THEM6: variants seen among roughly 807,000 people sequenced by gnomAD.
THEM6 encodes the protein thioesterase superfamily member 6.
THEM6 carries 10 observed loss-of-function variants against 13.7 expected under a neutral mutation model. That is an observed-to-expected ratio of 0.73 (90% CI 0.45 to 1.24). The LOEUF (loss-of-function observed/expected upper bound fraction) is 1.24. THEM6 is among the 50% of genes most tolerant of loss of function. The pLI is 0.00. For synonymous variants in THEM6, 161 were observed against 156.0 expected (o/e 1.03, Z -0.24); for missense variants, 317 against 312.6 (o/e 1.01, Z -0.11).
intron 1 of THEM6, among the ~76,000 whole-genome samples, 199 bp downstream of exon 1, chr8:142,728,058 G>A (rs1467403020): frequency 1.3e-5 from 2 of 152,072 alleles, no homozygotes; most frequent in African/African-American, 2.4e-5. Context: ...GTTCGTGGGG[G>A]TTCCTAGGGT....
At chr8:142,728,940 T>C (rs891025865) in intron 1 of THEM6, among the ~76,000 whole-genome samples, 74 of 141,252 alleles carry the variant, frequency 5.2e-4, no homozygotes, top group African/African-American at 2.0e-3. Context: ...CTATTTTCTT[T>C]TTTTTTTTTT....
Position 142,727,722 on chromosome 8 carries a change from T to G in THEM6, c.376T>G (p.Trp126Gly). 6.9e-7 allele frequency: 1 copy of G among 1,438,922 alleles called. No homozygotes were observed. The highest frequency in any genetic ancestry group is 9.0e-7 in the Non-Finnish European group (1 of 1,106,214). 89.1% of individuals were successfully genotyped at this position (1,438,922 alleles called of 1,614,324 possible). ...PFEVRTRLLG[W>G]DDRAFYLEAR... ...CGAGGTGCGCACCCGCCTGCTGGGCTGGGACGACCGCGCGTTCTACCTGGA... is the reference window on the plus strand; with the variant it reads ...CGAGGTGCGCACCCGCCTGCTGGGCGGGGACGACCGCGCGTTCTACCTGGA... The change falls in exon 1 of 2, where the codon TGG (tryptophan) becomes GGG (glycine). Residue 126 changes from tryptophan to glycine, a missense_variant. Transcript: ENST00000336138.
At chr8:142,729,427 C>T (rs1815597098) in intron 1 of THEM6, among the ~76,000 whole-genome samples, 2 of 151,996 alleles carry the variant, frequency 1.3e-5, no homozygotes, top group South Asian at 2.1e-4. Flanking sequence ...ATTTAAAGTG[C>T]GAACGGAATA....
rs781818868 is a variant in THEM6 at position 142,727,375 on chromosome 8, C to T, written c.29C>T (p.Ala10Val). 7.9e-6 allele frequency: 12 copies of T among 1,522,890 alleles called. No homozygotes were observed. The South Asian group carries it at 1.2e-4, about 15-fold the overall frequency. The allele number at this position is 1,522,890 out of a possible 1,614,324, so 94.3% of individuals were successfully genotyped here. A position where few individuals can be genotyped will look rare whatever the true frequency, so the allele number is the denominator to read the frequency against. Residue 10 changes from alanine (A) to valine (V), a missense_variant, in exon 1 of 2, where the codon GCC (alanine) becomes GTC (valine). Physicochemically the swap from Ala to Val is moderately conservative, Grantham distance 64 (BLOSUM62 0). Coordinates refer to ENST00000336138, the MANE Select transcript of THEM6 (RefSeq NM_016647.3). ...CTGGGGCTGCTGGTGGCGTTGCTGG[C>T]CCTGGGGCTCGCTGTCTTTGCGCTG... Reference protein sequence around the residue: MLGLLVALLALGLAVFALLD... With the variant: MLGLLVALLVLGLAVFALLD...
At chr8:142,734,598 A>T (rs1378904808) in intron 1 of THEM6, 1 of 152,658 alleles carries the variant, frequency 6.6e-6, no homozygotes, top group African/African-American at 2.4e-5. Context: ...TGTTGGTCAC[A>T]TGGTTGAAAC....
intron 1 of THEM6, among the ~76,000 whole-genome samples, chr8:142,730,511 A>AG (rs1245372954): frequency 6.6e-6 from 1 of 152,192 alleles, no homozygotes; most frequent in Non-Finnish European, 1.5e-5. Context: ...AGCGCCGCCC[A>AG]GGGGACACTG....
intron 1 of THEM6, 81 bp from the exon 2 acceptor site, chr8:142,735,245 G>C (rs934233877): frequency 1.9e-6 from 2 of 1,058,954 alleles, no homozygotes; most frequent in African/African-American, 1.6e-5. Flanking sequence ...GGAAGGTCAC[G>C]GGCTGGGGAG....
intron 1 of THEM6, among the ~76,000 whole-genome samples, chr8:142,732,182 ATATATATATATATATATATATATATT>A (rs1227742028): frequency 1.2e-4 from 10 of 80,604 alleles, no homozygotes; most frequent in East Asian, 3.9e-4. Context: ...ATATATATAT[ATATATATATATATATATATATATATT>A]TTAACTACTG....
intron 1 of THEM6, among the ~76,000 whole-genome samples, chr8:142,732,649 C>T (rs587642698): frequency 6.6e-6 from 1 of 152,054 alleles, no homozygotes; most frequent in South Asian, 2.1e-4. Flanking sequence ...CTTCCTTGGT[C>T]TGTGCACAGA....
At chr8:142,731,620 T>C (rs1340316974) in intron 1 of THEM6, among the ~76,000 whole-genome samples, 2 of 152,140 alleles carry the variant, frequency 1.3e-5, no homozygotes, top group Non-Finnish European at 2.9e-5. Flanking sequence ...GTTTCTCTCT[T>C]ATTCTTTCCC....
chr8:142,732,204 ATAT>A (rs1563822639), intron 1 of THEM6, among the ~76,000 whole-genome samples: 1 of 102,676 alleles, frequency 9.7e-6, no homozygotes, highest in Non-Finnish European at 1.9e-5. Context: ...ATATATATAT[ATAT>A]TTTAACTACT....
chr8:142,731,515 A>G (rs1360433812), intron 1 of THEM6, among the ~76,000 whole-genome samples: 7 of 152,074 alleles, frequency 4.6e-5, no homozygotes, highest in Non-Finnish European at 7.4e-5. Context: ...AACTTTCACA[A>G]TCTTCAACAT....
In THEM6 at chr8:142,734,968, C is replaced by A. The variant is rs1815727459; in HGVS notation, c.514-358C>A. On this transcript the variant is annotated intron_variant, in intron 1 of 1. Transcript: ENST00000336138. ...GGAGAAAGAAGAGAACTCAGTGAGC[C>A]CTGTCTGGTACTTTCCTGGAGGAGG... 1.7e-5 allele frequency: 4 copies of A among 235,946 alleles called. No homozygotes were observed. In the South Asian group the frequency reaches 2.9e-4, roughly 17 times the overall value. The allele number at this position is 235,946 out of a possible 1,614,324, so 14.6% of individuals were successfully genotyped here. A position where few individuals can be genotyped will look rare whatever the true frequency, so the allele number is the denominator to read the frequency against.
chr8:142,735,807 T>C lies in THEM6; in HGVS notation c.*368T>C, dbSNP rs1486161575. The stretch of plus-strand genomic sequence containing the variant: ...GAGCCTAGATCCTGGCTCGGACCAC[T>C]GCAAGGGCCGAGGCAGGGCCAGACC... On this transcript the variant is annotated 3_prime_UTR_variant, in exon 2 of 2. Coordinates refer to ENST00000336138, the MANE Select transcript of THEM6 (RefSeq NM_016647.3). 4.0e-6 allele frequency: 1 copy of C among 248,722 alleles called. No individual in the cohort carries two copies. Among genetic ancestry groups the C allele is most frequent in the Non-Finnish European group, 8.1e-6 (1 of 122,828 alleles). 15.4% of individuals were successfully genotyped at this position (248,722 alleles called of 1,614,324 possible). A position where few individuals can be genotyped will look rare whatever the true frequency, so the allele number is the denominator to read the frequency against.
intron 1 of THEM6, 102 bp from the exon 2 acceptor site, chr8:142,735,224 C>A: frequency 1.2e-6 from 1 of 846,164 alleles, no homozygotes; most frequent in Non-Finnish European, 1.9e-6. Flanking sequence ...GGCGGCGGGG[C>A]AGGGGATCTT....
At chr8:142,730,746 C>CTT (rs782028092) in intron 1 of THEM6, among the ~76,000 whole-genome samples, 48 of 142,098 alleles carry the variant, frequency 3.4e-4, no homozygotes, top group African/African-American at 8.0e-4. Context: ...TTAATAAAAT[C>CTT]TTTTTTTTTT....
rs782634656 is a variant in THEM6 at position 142,727,769 on chromosome 8, G to A, written c.423G>A (p.Arg141=). 308 of 1,462,636 alleles carry A rather than the reference G, an allele frequency of 2.1e-4. No homozygotes were observed. The highest frequency in any genetic ancestry group is 2.7e-4 in the Non-Finnish European group (303 of 1,116,428). 90.6% of individuals were successfully genotyped at this position (1,462,636 alleles called of 1,614,324 possible). A position where few individuals can be genotyped will look rare whatever the true frequency, so the allele number is the denominator to read the frequency against. Residue 141 remains arginine, a synonymous_variant, in exon 1 of 2, where the codon CGG becomes CGA. Coordinates refer to ENST00000336138, the MANE Select transcript of THEM6 (RefSeq NM_016647.3). Reference sequence around the variant, plus strand: ...TGGAGGCGCGCTTTGTCAGCCTGCGGGACGGCTTCGTGTGCGCGCTGCTGC... The same window carrying A: ...TGGAGGCGCGCTTTGTCAGCCTGCGAGACGGCTTCGTGTGCGCGCTGCTGC... ...FYLEARFVSL[R]DGFVCALLRF...
Position 142,727,667 on chromosome 8 carries a change from C to T in THEM6, c.321C>T (p.His107=), listed in dbSNP as rs1554642497. Residue 107 remains histidine, a synonymous_variant, in exon 1 of 2, where the codon CAC becomes CAT. Coordinates refer to ENST00000336138, the MANE Select transcript of THEM6 (RefSeq NM_016647.3). The part of the protein sequence containing the change: ...HTVLAASCAR[H]RRSLRLLEPF... ...TGCTGGCGGCCTCGTGCGCGCGCCA[C>T]CGCCGCTCGCTGCGCCTGCTGGAGC... 3 of 1,435,072 alleles carry T rather than the reference C, an allele frequency of 2.1e-6. No individual in the cohort carries two copies. The highest frequency in any genetic ancestry group is 1.8e-6 in the Non-Finnish European group (2 of 1,106,136). The allele number at this position is 1,435,072 out of a possible 1,614,324, so 88.9% of individuals were successfully genotyped here.
At chr8:142,734,224 C>T (rs1408179439) in intron 1 of THEM6, among the ~76,000 whole-genome samples, 3 of 152,058 alleles carry the variant, frequency 2.0e-5, no homozygotes, top group Non-Finnish European at 4.4e-5. Context: ...TTTTGGTTTA[C>T]AGTCAGGAAC....
Sources: gnomAD v4.1 joint callset for allele counts (sites outside exome capture counted in the v4.1 genomes callset) on GRCh38, gnomAD v4.1.1 for gene constraint, MANE v1.5 for transcripts, NCBI Gene and HGNC (gene_info 2026-07-23, HGNC 2026-07-21) for gene names.